The following ATP2A1 variants were observed in gnomAD, a reference collection of about 807,000 sequenced individuals.
ATP2A1 encodes ATPase sarcoplasmic/endoplasmic reticulum Ca2+ transporting 1.
A neutral mutation model predicts 109.5 loss-of-function variants in ATP2A1; 83 were observed. The observed-to-expected ratio is 0.76, with a 90% CI of 0.63 to 0.91. The LOEUF (loss-of-function observed/expected upper bound fraction) is 0.91, where lower values mean the gene tolerates loss of function less well. ATP2A1 is among the 40% of genes least tolerant of loss of function. The pLI is 0.00. For synonymous variants in ATP2A1, 505 were observed against 537.6 expected (o/e 0.94, Z 0.84); for missense variants, 1,101 against 1,341.0 (o/e 0.82, Z 2.80).
intron 12 of ATP2A1, 31 bp downstream of exon 12, chr16:28,894,984 G>A (rs954326286): frequency 1.9e-5 from 30 of 1,608,118 alleles, no homozygotes; most frequent in South Asian, 3.3e-5. Flanking sequence ...CCACAGGGCC[G>A]TCTCCACTCT....
intron 22 of ATP2A1, 95 bp from the exon 23 acceptor site, chr16:28,904,085 G>A: frequency 3.4e-6 from 4 of 1,178,660 alleles, no homozygotes; most frequent in Middle Eastern, 4.3e-4. Flanking sequence ...GTAAGCTTCT[G>A]AGCCTCCAGG....
intron 9 of ATP2A1, among the ~76,000 whole-genome samples, chr16:28,890,840 C>G (rs984673053): frequency 6.6e-6 from 1 of 152,056 alleles, no homozygotes; most frequent in African/African-American, 2.4e-5. Flanking sequence ...CACGCACCAT[C>G]ACACCCAGCT....
At position 28,878,531 on chromosome 16, in the gene ATP2A1, G is replaced by A. The variant is rs1351708567; in HGVS notation, c.-141G>A. 1.3e-6 allele frequency: 1 copy of A among 788,996 alleles called. No homozygotes were observed. Among genetic ancestry groups the A allele is most frequent in the South Asian group, 1.5e-5 (1 of 68,082 alleles). The allele number at this position is 788,996 out of a possible 1,614,324, so 48.9% of individuals were successfully genotyped here. ...GACGGGGGTCAGAGCTTTGTGGAGG[G>A]AAGAAAAACCTGGAGGGGGCAGGAG... On this transcript the variant is annotated 5_prime_UTR_variant, in exon 1 of 23. Transcript: ENST00000395503.
At position 28,903,751 on chromosome 16, in the gene ATP2A1, C is replaced by G. The variant is rs780647564; in HGVS notation, c.*37+10C>G. The G allele has an allele frequency of 3.1e-6, 5 of 1,612,944 alleles. No individual in the cohort carries two copies. Among genetic ancestry groups the G allele is most frequent in the Middle Eastern group, 1.7e-4 (1 of 6,060 alleles). On this transcript the variant is annotated intron_variant, in intron 22 of 22. Transcript: ENST00000395503. The surrounding 1 kb of genome is among the most constrained non-coding windows in gnomAD (Gnocchi z 5.6). ...TGAGCCCGTGTCACAGGTATCACCC[C>G]CTTCTTGCCCTCAGCCCAGCTGCTG...
At chr16:28,878,873 C>T in intron 1 of ATP2A1, 84 bp downstream of exon 1, 2 of 1,474,828 alleles carry the variant, frequency 1.4e-6, no homozygotes, top group Non-Finnish European at 1.9e-6. Flanking sequence ...CGCGTTTCTC[C>T]CTTCAGGGTT....
Position 28,894,935 on chromosome 16 carries a change from A to C in ATP2A1, c.1401A>C (p.Arg467Ser). 1.2e-6 allele frequency: 2 copies of C among 1,612,118 alleles called. No individual in the cohort carries two copies. Among genetic ancestry groups the C allele is most frequent in the South Asian group, 1.1e-5 (1 of 91,082 alleles). The change falls in exon 12 of 23, where the codon AGA (arginine) becomes AGC (serine). Residue 467 changes from arginine (R) to serine (S), a missense_variant. By Grantham distance (110) the Arg-to-Ser change is moderately radical. Transcript: ENST00000395503. ...TGAGAAGCCTCTCGAAGGTGGAGAG[A>C]GCCAACGCCTGCAACTCGGTGAGCC... ...TDVRSLSKVE[R>S]ANACNSVIRQ...
intron 12 of ATP2A1, among the ~76,000 whole-genome samples, chr16:28,897,478 C>T (rs1182935461): frequency 1.3e-5 from 2 of 151,874 alleles, no homozygotes; most frequent in African/African-American, 4.8e-5. Context: ...TAGGAGACAG[C>T]GCAAGACTCT....
chr16:28,894,757 G>T, intron 11 of ATP2A1, 65 bp from the exon 12 acceptor site: 1 of 1,608,540 alleles, frequency 6.2e-7, no homozygotes. Context: ...ACGCTAGGTG[G>T]AAGGAGGGTA....
chr16:28,882,650 C>T, intron 5 of ATP2A1, 61 bp downstream of exon 5: 2 of 1,600,078 alleles, frequency 1.2e-6, no homozygotes, highest in Non-Finnish European at 1.7e-6. Flanking sequence ...CTAGGAGATG[C>T]CGGGGGCTGG....
At position 28,894,820 on chromosome 16, in the gene ATP2A1, A is replaced by G. The variant is rs766775435; in HGVS notation, c.1288-2A>G. On this transcript the variant is annotated splice_acceptor_variant, in intron 11 of 22. Transcript: ENST00000395503. LOFTEE classifies it high-confidence loss of function. ...TTCCTCTTCCTCCTCTGCCCATCTC[A>G]GGCCAAAGGTGTCTATGAGAAGGTC... 6.2e-7 allele frequency: 1 copy of G among 1,611,306 alleles called. No individual in the cohort carries two copies. The highest frequency in any genetic ancestry group is 1.1e-5 in the South Asian group (1 of 91,072).
intron 12 of ATP2A1, among the ~76,000 whole-genome samples, chr16:28,895,403 G>T (rs1427579152): frequency 2.6e-5 from 4 of 152,162 alleles, no homozygotes; most frequent in Non-Finnish European, 5.9e-5. Flanking sequence ...GTCACTCCCA[G>T]TTATTGCTAT....
rs752797728 is a variant in ATP2A1 at position 28,902,260 on chromosome 16, G to A, written c.2398G>A (p.Asp800Asn). ...VQLLWVNLVTDGLPATALGFN... is the reference protein window; with the variant it reads ...VQLLWVNLVTNGLPATALGFN... ...GCTGCTATGGGTGAACTTGGTGACC[G>A]ACGGGCTCCCAGCCACAGCCCTGGG... The change falls in exon 17 of 23, where the codon GAC (aspartate) becomes AAC (asparagine). Residue 800 changes from aspartate (D) to asparagine (N), a missense_variant. Transcript: ENST00000395503. The surrounding 1 kb of genome is among the most constrained non-coding windows in gnomAD (Gnocchi z 4.8). 7 of 1,614,002 alleles carry A rather than the reference G, an allele frequency of 4.3e-6. No homozygotes were observed. Among genetic ancestry groups the A allele is most frequent in the Non-Finnish European group, 5.9e-6 (7 of 1,180,012 alleles).
intron 12 of ATP2A1, 32 bp from the exon 13 acceptor site, chr16:28,897,968 G>C: frequency 6.2e-7 from 1 of 1,613,606 alleles, no homozygotes; most frequent in Non-Finnish European, 8.5e-7. Flanking sequence ...CATTTTAAGA[G>C]GACTGGTCTC....
In ATP2A1 at chr16:28,882,543, GATCA is replaced by G; in HGVS notation, c.419_422del (p.Ile140ArgfsTer40). 4.3e-6 allele frequency: 7 copies of G among 1,614,234 alleles called. No homozygotes were observed. The highest frequency in any genetic ancestry group is 5.9e-6 in the Non-Finnish European group (7 of 1,180,020). On this transcript the variant is annotated frameshift_variant, in exon 5 of 23. Transcript: ENST00000395503. LOFTEE classifies it high-confidence loss of function. ...GGGCTGACCGCAAGTCAGTGCAAAGGATCAAGGCTCGGGACATCGTCCCTGGGGA... is the reference window on the plus strand; with the variant it reads ...GGGCTGACCGCAAGTCAGTGCAAAGGAGGCTCGGGACATCGTCCCTGGGGA...
intron 9 of ATP2A1, among the ~76,000 whole-genome samples, chr16:28,890,241 G>A (rs1335206474): frequency 6.8e-6 from 1 of 147,968 alleles, no homozygotes; most frequent in South Asian, 2.1e-4. Context: ...GATCACTTGA[G>A]CCCAGGAATT....
intron 14 of ATP2A1, among the ~76,000 whole-genome samples, chr16:28,900,088 A>T (rs1964028605): frequency 6.6e-6 from 1 of 151,304 alleles, no homozygotes; most frequent in Non-Finnish European, 1.5e-5. Flanking sequence ...TGAGCCCAGG[A>T]GTTTGAGACC....
chr16:28,898,218 G>A lies in ATP2A1; in HGVS notation c.1546-15G>A. 6.2e-7 allele frequency: 1 copy of A among 1,614,196 alleles called. No homozygotes were observed. Among genetic ancestry groups the A allele is most frequent in the Non-Finnish European group, 8.5e-7 (1 of 1,180,026 alleles). On this transcript the variant is annotated splice_polypyrimidine_tract_variant and intron_variant, in intron 13 of 22. Coordinates refer to ENST00000395503, the MANE Select transcript of ATP2A1 (RefSeq NM_004320.6). This position sits in a 1 kb window ranked among gnomAD's most constrained non-coding sequence, Gnocchi z 4.0. Reference sequence around the variant, plus strand: ...AGGAAAGTGGTGGTCTCTGAATGCTGTTCTGGTCTCCTAGGGTGCCCCTGA... The same window carrying A: ...AGGAAAGTGGTGGTCTCTGAATGCTATTCTGGTCTCCTAGGGTGCCCCTGA...
Position 28,878,756 on chromosome 16 carries a change from G to C in ATP2A1, c.85G>C (p.Val29Leu). 6.2e-7 allele frequency: 1 copy of C among 1,613,944 alleles called. No individual in the cohort carries two copies. The highest frequency in any genetic ancestry group is 8.5e-7 in the Non-Finnish European group (1 of 1,179,934). ...SETTGLTPDQ[V>L]KRNLEKYGLN... is the part of the protein sequence containing the mutation. ...GACCACGGGCCTCACCCCGGACCAA[G>C]TTAAGCGGAATCTGGAGAAATACGG... Residue 29 changes from valine to leucine, a missense_variant, in exon 1 of 23, where the codon GTT (valine) becomes CTT (leucine). Coordinates refer to ENST00000395503, the MANE Select transcript of ATP2A1 (RefSeq NM_004320.6).
At chr16:28,885,973 C>T (rs1963604482) in intron 6 of ATP2A1, among the ~76,000 whole-genome samples, 1 of 151,502 alleles carries the variant, frequency 6.6e-6, no homozygotes, top group Non-Finnish European at 1.5e-5. Context: ...TCAGACCAGC[C>T]TCGGCAACAC....
Sources: gnomAD v4.1 joint callset for allele counts (sites outside exome capture counted in the v4.1 genomes callset) on GRCh38, gnomAD v4.1.1 for gene constraint, Gnocchi (gnomAD v3.1) non-coding constraint, MANE v1.5 for transcripts, NCBI Gene and HGNC (gene_info 2026-07-23, HGNC 2026-07-21) for gene names.